The following PDCD5 variants were observed in gnomAD, a reference collection of about 807,000 sequenced individuals.
PDCD5 encodes programmed cell death 5.
Under a neutral mutation model 21.9 loss-of-function variants are expected in PDCD5, and 23 were observed. The observed-to-expected ratio is 1.05, with a 90% CI of 0.76 to 1.49. The LOEUF is 1.49. PDCD5 is among the 40% of genes most tolerant of loss of function. The probability of loss-of-function intolerance (pLI) is 0.00; values close to 1 mark genes in which losing one functional copy is unlikely to be tolerated. For missense variants in PDCD5, 152 were observed against 147.7 expected, an observed-to-expected ratio of 1.03 and a Z score of -0.15; for synonymous variants, 45 against 49.4, an observed-to-expected ratio of 0.91 and a Z score of 0.37.
In PDCD5 at chr19:32,586,861, T is replaced by C. The variant is rs775902452; in HGVS notation, c.262T>C (p.Ser88Pro). Residue 88 changes from serine (S) to proline (P), a missense_variant, in exon 5 of 6, where the codon TCA becomes CCA. By Grantham distance (74) the Ser-to-Pro change is moderately conservative. Coordinates refer to ENST00000590247, the MANE Select transcript of PDCD5 (RefSeq NM_004708.4). ...ARYGQLSEKV[S>P]EQGLIEILKK... ...TTATCTTTTCTGGTTCTCCTAGGTA[T>C]CAGAACAAGGTTTAATAGAAATCCT... 1.2e-6 allele frequency: 2 copies of C among 1,604,350 alleles called. No individual in the cohort carries two copies. Among genetic ancestry groups the C allele is most frequent in the Non-Finnish European group, 8.5e-7 (1 of 1,177,270 alleles).
At chr19:32,585,201 C>T (rs893641478) in intron 3 of PDCD5, among the ~76,000 whole-genome samples, 190 bp downstream of exon 3, 1 of 152,184 alleles carries the variant, frequency 6.6e-6, no homozygotes, top group African/African-American at 2.4e-5. Flanking sequence ...CAGGTCACTT[C>T]TCTTACCAAG....
intron 2 of PDCD5, among the ~76,000 whole-genome samples, 175 bp downstream of exon 2, chr19:32,582,407 T>C (rs1187058959): frequency 6.6e-6 from 1 of 152,182 alleles, no homozygotes; most frequent in Non-Finnish European, 1.5e-5. Context: ...CGTGTGCAGC[T>C]CCACATCAGA....
intron 4 of PDCD5, chr19:32,586,201 C>T (rs1216131144): frequency 4.8e-6 from 7 of 1,444,318 alleles, no homozygotes; most frequent in African/African-American, 2.9e-5. Flanking sequence ...TTGTCAGTAA[C>T]ACCAATTAAA....
At chr19:32,582,047 A>G (rs1971432184) in intron 1 of PDCD5, 148 bp from the exon 2 acceptor site, 1 of 678,552 alleles carries the variant, frequency 1.5e-6, no homozygotes, top group Admixed American at 2.8e-5. Flanking sequence ...GAACTAGTTC[A>G]TTGATTTCTG....
chr19:32,581,243 C>G lies in PDCD5; in HGVS notation c.-19C>G, dbSNP rs745746239. The G allele has an allele frequency of 2.0e-6, 3 of 1,488,264 alleles. No homozygotes were observed. The highest frequency in any genetic ancestry group is 2.5e-5 in the South Asian group (2 of 79,144). 92.2% of individuals were successfully genotyped at this position (1,488,264 alleles called of 1,614,324 possible). On this transcript the variant is annotated 5_prime_UTR_variant, in exon 1 of 6. Transcript: ENST00000590247. Reference sequence around the variant, plus strand: ...GGCTGCGAGAGTGACCGCGGCTGCTCCAGCGCTGACGCCGAGCCATGGCGG... The same window carrying G: ...GGCTGCGAGAGTGACCGCGGCTGCTGCAGCGCTGACGCCGAGCCATGGCGG...
chr19:32,586,223 G>A (rs1320219048), intron 4 of PDCD5: 20 of 1,440,358 alleles, frequency 1.4e-5, no homozygotes, highest in Non-Finnish European at 1.6e-5. Context: ...TACTACCAGT[G>A]TAAGTAGAAG....
At chr19:32,584,914 T>G in intron 2 of PDCD5, 36 bp from the exon 3 acceptor site, 1 of 1,547,142 alleles carries the variant, frequency 6.5e-7, no homozygotes, top group Non-Finnish European at 8.9e-7. Flanking sequence ...CCGACAGCTG[T>G]GTTTTAATTG....
chr19:32,587,115 C>G, intron 5 of PDCD5, 138 bp from the exon 6 acceptor site: 1 of 795,234 alleles, frequency 1.3e-6, no homozygotes, highest in Non-Finnish European at 2.1e-6. Context: ...CTCTTGACTC[C>G]ATTCCCACCC....
intron 4 of PDCD5, 139 bp downstream of exon 4, chr19:32,586,046 C>T (rs1203202672): frequency 1.3e-6 from 2 of 1,577,162 alleles, no homozygotes; most frequent in Non-Finnish European, 1.7e-6. Context: ...ATAGTCATAC[C>T]TACTTTAAAA....
chr19:32,582,575 G>A (rs1375160551), intron 2 of PDCD5, among the ~76,000 whole-genome samples: 4 of 152,180 alleles, frequency 2.6e-5, no homozygotes, highest in Non-Finnish European at 5.9e-5. Flanking sequence ...TAACTGGTAA[G>A]CTATTCTGAT....
Position 32,582,208 on chromosome 19 carries a change from C to T in PDCD5, c.80C>T (p.Ala27Val), listed in dbSNP as rs200484934. ...TTTTTTTTCCAGGATCCTGGTGATG[C>T]GGCCCAACAGGAAGCAAAGCACAGG... is the stretch of plus-strand genomic sequence containing the variant. ...LQAKHGDPGD[A>V]AQQEAKHREA... The change falls in exon 2 of 6, where the codon GCG becomes GTG. Residue 27 changes from alanine to valine, a missense_variant. Transcript: ENST00000590247. The T allele has an allele frequency of 6.9e-5, 111 of 1,612,214 alleles. No individual in the cohort carries two copies. The African/African-American group carries it at 1.1e-3, about 16-fold the overall frequency.
chr19:32,586,707 TAACCAATAGTTTC>T (rs754714974), intron 4 of PDCD5, 138 bp from the exon 5 acceptor site: 49 of 1,363,988 alleles, frequency 3.6e-5, no homozygotes, highest in Non-Finnish European at 3.6e-5. Flanking sequence ...CCAATAGTTA[TAACCAATAGTTTC>T]AACCTCCTGC....
chr19:32,587,365 ATTTAC>A lies in PDCD5; in HGVS notation c.*69_*73del. The A allele has an allele frequency of 1.8e-6, 2 of 1,117,672 alleles. No individual in the cohort carries two copies. The highest frequency in any genetic ancestry group is 1.6e-5 in the African/African-American group (1 of 63,984). The allele number at this position is 1,117,672 out of a possible 1,614,324, so 69.2% of individuals were successfully genotyped here. A position where few individuals can be genotyped will look rare whatever the true frequency, so the allele number is the denominator to read the frequency against. On this transcript the variant is annotated 3_prime_UTR_variant, in exon 6 of 6. Transcript: ENST00000590247. ...CTAGGACAGAAGTTAAGATCTGATTATTTACTTTGTTTATTGTCTATATGCCTTTT... is the reference window on the plus strand; with the variant it reads ...CTAGGACAGAAGTTAAGATCTGATTATTTGTTTATTGTCTATATGCCTTTT...
chr19:32,585,761 A>G, intron 3 of PDCD5, 55 bp from the exon 4 acceptor site: 1 of 1,012,686 alleles, frequency 9.9e-7, no homozygotes, highest in Non-Finnish European at 1.6e-6. Context: ...TTAAGGTATA[A>G]CATAAGTGCA....
At position 32,585,886 on chromosome 19, in the gene PDCD5, A is replaced by T. The variant is rs1384681054; in HGVS notation, c.237A>T (p.Arg79Ser). 1.2e-6 allele frequency: 2 copies of T among 1,612,030 alleles called. No homozygotes were observed. Residue 79 changes from arginine to serine, a missense_variant, in exon 4 of 6, where the codon AGA becomes AGT. By Grantham distance (110) the Arg-to-Ser change is moderately radical (BLOSUM62 -1). Transcript: ENST00000590247. Reference protein sequence around the residue: ...AVENYLIQMARYGQLSEKVSE... With the variant: ...AVENYLIQMASYGQLSEKVSE... ...AGAATTACCTTATACAGATGGCAAG[A>T]TATGGACAACTAAGTGAGAAGGTAA... is the stretch of plus-strand genomic sequence containing the variant.
rs147609163 is a variant in PDCD5, at chr19:32,582,233, G to C, written c.104+1G>C. 1 of 1,612,392 alleles carries C rather than the reference G, an allele frequency of 6.2e-7. No individual in the cohort carries two copies. Among genetic ancestry groups the C allele is most frequent in the African/African-American group, 1.3e-5 (1 of 74,958 alleles). ...CGGCCCAACAGGAAGCAAAGCACAGGTATGGGCTGGAAACGTGAACTTTTT... is the reference window on the plus strand; with the variant it reads ...CGGCCCAACAGGAAGCAAAGCACAGCTATGGGCTGGAAACGTGAACTTTTT... On this transcript the variant is annotated splice_donor_variant, in intron 2 of 5. Coordinates refer to ENST00000590247, the MANE Select transcript of PDCD5 (RefSeq NM_004708.4). LOFTEE classifies it high-confidence loss of function.
intron 4 of PDCD5, 183 bp downstream of exon 4, chr19:32,586,090 T>TC: frequency 6.5e-7 from 1 of 1,539,258 alleles, no homozygotes. Flanking sequence ...TTCCTCTGCT[T>TC]CGCTCCTTTC....
chr19:32,582,137 C>T (rs1430680747), intron 1 of PDCD5, 58 bp from the exon 2 acceptor site: 3 of 1,287,064 alleles, frequency 2.3e-6, no homozygotes, highest in Non-Finnish European at 2.2e-6. Context: ...AGAACCGTTC[C>T]TTTTTCCCGC....
chr19:32,582,049 T>A, intron 1 of PDCD5, 146 bp from the exon 2 acceptor site: 1 of 678,974 alleles, frequency 1.5e-6, no homozygotes, highest in Non-Finnish European at 2.6e-6. Context: ...ACTAGTTCAT[T>A]GATTTCTGTG....
Sources: gnomAD v4.1 joint callset for allele counts (sites outside exome capture counted in the v4.1 genomes callset) on GRCh38, gnomAD v4.1.1 for gene constraint, MANE v1.5 for transcripts, NCBI Gene and HGNC (gene_info 2026-07-23, HGNC 2026-07-21) for gene names.